SV2B: variants seen among roughly 807,000 people sequenced by gnomAD.
SV2B encodes solute carrier family 22 member B2.
A neutral mutation model predicts 73.9 loss-of-function variants in SV2B; 41 were observed. That is an observed-to-expected ratio of 0.56 (90% CI 0.43 to 0.72). SV2B has a LOEUF of 0.72. SV2B is among the 30% of genes least tolerant of loss of function. The pLI is 0.00. For missense variants in SV2B, 764 were observed against 857.8 expected (o/e 0.89, Z 1.37); for synonymous variants, 314 against 314.2 (o/e 1.00, Z 0.01).
At chr15:91,190,038 T>C (rs886386860) in intron 1 of SV2B, among the ~76,000 whole-genome samples, 5 of 152,152 alleles carry the variant, frequency 3.3e-5, no homozygotes, top group South Asian at 2.1e-4. Flanking sequence ...ATTTTAAAGA[T>C]TTTATTGCTA....
chr15:91,130,617 G>A lies in SV2B; in HGVS notation c.-392+30254G>A, dbSNP rs917139667. 1.3e-5 allele frequency among the ~76,000 whole-genome samples: 2 copies of A among 152,108 alleles called. No individual in the cohort carries two copies. The highest frequency in any genetic ancestry group is 4.8e-5 in the African/African-American group (2 of 41,406). On this transcript the variant is annotated intron_variant, in intron 1 of 12. Coordinates refer to ENST00000394232, the MANE Select transcript of SV2B (RefSeq NM_001323032.3). The surrounding 1 kb of genome is among the most constrained non-coding windows in gnomAD (Gnocchi z 5.6). ...GTCTGACCAAGTAGGTGTTCACGGA[G>A]GACAGGGACCAAGAGGAAGCTCCTG... is the stretch of plus-strand genomic sequence containing the variant.
At chr15:91,211,801 CTTTTTT>C (rs775815258) in intron 1 of SV2B, among the ~76,000 whole-genome samples, 1 of 106,004 alleles carries the variant, frequency 9.4e-6, no homozygotes, top group Admixed American at 9.9e-5. Flanking sequence ...CTCGCCTGGG[CTTTTTT>C]TTTTTTTTTT....
intron 1 of SV2B, among the ~76,000 whole-genome samples, chr15:91,113,118 C>T (rs1470612254): frequency 6.6e-6 from 1 of 152,208 alleles, no homozygotes; most frequent in Non-Finnish European, 1.5e-5. Context: ...ACAGCATGAG[C>T]CACTATGCCT....
At chr15:91,192,563 C>T (rs774146053) in intron 1 of SV2B, among the ~76,000 whole-genome samples, 6 of 152,172 alleles carry the variant, frequency 3.9e-5, no homozygotes, top group Non-Finnish European at 8.8e-5. Context: ...GTGTGTGAAA[C>T]AATGTGACAT....
intron 1 of SV2B, among the ~76,000 whole-genome samples, chr15:91,162,349 A>G (rs2043751027): frequency 6.6e-6 from 1 of 152,240 alleles, no homozygotes; most frequent in Non-Finnish European, 1.5e-5. Flanking sequence ...ATGAATTTCT[A>G]TAAAGAGGAA....
chr15:91,278,277 G>A (rs1038403496), intron 9 of SV2B, among the ~76,000 whole-genome samples: 3 of 152,014 alleles, frequency 2.0e-5, no homozygotes, highest in East Asian at 3.9e-4. Flanking sequence ...TGCGGGCTTC[G>A]AGAGGAGAAG....
chr15:91,164,659 C>T (rs745752542), intron 1 of SV2B, among the ~76,000 whole-genome samples: 1 of 152,156 alleles, frequency 6.6e-6, no homozygotes, highest in African/African-American at 2.4e-5. Flanking sequence ...ATATTGAAGA[C>T]TATATAAGAA....
rs372708177 is a variant in SV2B, at chr15:91,236,848, C to T, written c.451+10134C>T. The stretch of plus-strand genomic sequence containing the variant: ...AATATCTGGTACCCAAACTGGAAGA[C>T]GCAGATGGCTGGGGCTTCTTTTGAG... On this transcript the variant is annotated intron_variant, in intron 2 of 12. Transcript: ENST00000394232. This position sits in a 1 kb window ranked among gnomAD's most constrained non-coding sequence, Gnocchi z 4.1. Among the ~76,000 whole-genome samples the T allele has an allele frequency of 1.3e-5, 2 of 152,032 alleles. No homozygotes were observed. Among genetic ancestry groups the T allele is most frequent in the African/African-American group, 4.8e-5 (2 of 41,412 alleles).
At chr15:91,254,043 G>A (rs769020824) in intron 4 of SV2B, among the ~76,000 whole-genome samples, 1 of 152,180 alleles carries the variant, frequency 6.6e-6, no homozygotes, top group Non-Finnish European at 1.5e-5. Context: ...TACTGCTACT[G>A]TCAGGTTCTG....
At position 91,280,843 on chromosome 15, in the gene SV2B, T is replaced by C. The variant is rs930670592; in HGVS notation, c.1374-885T>C. Among the ~76,000 whole-genome samples the C allele has an allele frequency of 1.1e-4, 16 of 152,256 alleles. No individual in the cohort carries two copies. Among genetic ancestry groups the C allele is most frequent in the African/African-American group, 3.6e-4 (15 of 41,468 alleles). On this transcript the variant is annotated intron_variant, in intron 9 of 12. Transcript: ENST00000394232. This position sits in a 1 kb window ranked among gnomAD's most constrained non-coding sequence, Gnocchi z 5.8. ...TTGTGCCTCCCTGGAAACAACCGTT[T>C]CTATCAGTTTCTTGTGTAGCTCTCC...
At chr15:91,113,829 G>A (rs139958374) in intron 1 of SV2B, among the ~76,000 whole-genome samples, 2 of 152,102 alleles carry the variant, frequency 1.3e-5, no homozygotes, top group South Asian at 2.1e-4. Flanking sequence ...TAAAATAGTC[G>A]CAGTAAGGTC....
chr15:91,285,927 A>G (rs1323446622), intron 11 of SV2B, among the ~76,000 whole-genome samples: 1 of 152,180 alleles, frequency 6.6e-6, no homozygotes, highest in Non-Finnish European at 1.5e-5. Flanking sequence ...GACAACAGAC[A>G]TCCTTTCCCT....
intron 1 of SV2B, among the ~76,000 whole-genome samples, chr15:91,198,450 CGTGTAT>C (rs1238423507): frequency 2.1e-5 from 2 of 97,508 alleles, no homozygotes; most frequent in African/African-American, 9.6e-5. Context: ...CCAAGAAGCA[CGTGTAT>C]GTGTGTGTGT....
At chr15:91,269,881 T>C (rs918616202) in intron 9 of SV2B, among the ~76,000 whole-genome samples, 1 of 152,230 alleles carries the variant, frequency 6.6e-6, no homozygotes. Flanking sequence ...TCCATACTCA[T>C]ATACCCATGC....
chr15:91,116,269 C>G (rs896897830), intron 1 of SV2B, among the ~76,000 whole-genome samples: 1 of 152,124 alleles, frequency 6.6e-6, no homozygotes, highest in Non-Finnish European at 1.5e-5. Context: ...AGTGGGTGGC[C>G]TTCATTTGTG....
rs1375579746 is a variant in SV2B, at chr15:91,258,952, C to T, written c.918+398C>T. Among the ~76,000 whole-genome samples, 2 of 150,032 alleles carry T rather than the reference C, an allele frequency of 1.3e-5. No individual in the cohort carries two copies. The highest frequency in any genetic ancestry group is 2.5e-5 in the African/African-American group (1 of 40,750). ...AAAAAAAAAAAAAAAATTAGTTGAGCGATTTGGTGCGTGCATGCCTGTGGT... is the reference window on the plus strand; with the variant it reads ...AAAAAAAAAAAAAAAATTAGTTGAGTGATTTGGTGCGTGCATGCCTGTGGT... On this transcript the variant is annotated intron_variant, in intron 5 of 12. Coordinates refer to ENST00000394232, the MANE Select transcript of SV2B (RefSeq NM_001323032.3). This position sits in a 1 kb window ranked among gnomAD's most constrained non-coding sequence, Gnocchi z 4.7.
chr15:91,131,853 C>T (rs973722600), intron 1 of SV2B, among the ~76,000 whole-genome samples: 4 of 152,266 alleles, frequency 2.6e-5, no homozygotes, highest in South Asian at 4.1e-4. Context: ...ATCCCAGCTA[C>T]TCAGGAGGCT....
chr15:91,162,369 A>G (rs2043751544), intron 1 of SV2B, among the ~76,000 whole-genome samples: 1 of 152,224 alleles, frequency 6.6e-6, no homozygotes, highest in African/African-American at 2.4e-5. Context: ...ATATGTTTGA[A>G]TATATTTTGC....
intron 5 of SV2B, among the ~76,000 whole-genome samples, chr15:91,259,666 T>A (rs1421929568): frequency 6.6e-6 from 1 of 152,218 alleles, no homozygotes; most frequent in Non-Finnish European, 1.5e-5. Context: ...CTTCCTTGCC[T>A]CTTTCAGATT....
Sources: allele counts gnomAD v4.1 joint callset (sites outside exome capture counted in the v4.1 genomes callset), GRCh38; gene constraint gnomAD v4.1.1; non-coding constraint Gnocchi (gnomAD v3.1); transcripts MANE v1.5; gene names NCBI Gene and HGNC (gene_info 2026-07-23, HGNC 2026-07-21).